TMOD1: variants seen among roughly 807,000 people sequenced by gnomAD.
TMOD1 encodes tropomodulin 1, also known as tropomodulin-1.
Under a neutral mutation model 40.6 loss-of-function variants are expected in TMOD1, and 17 were observed. That is an observed-to-expected ratio of 0.42 (90% CI 0.29 to 0.63). TMOD1 has a LOEUF of 0.63. TMOD1 is among the 20% of genes least tolerant of loss of function. TMOD1 has a pLI of 0.22. For synonymous variants in TMOD1, 181 were observed against 175.0 expected (o/e 1.03, Z -0.27); for missense variants, 391 against 447.6 (o/e 0.87, Z 1.14).
At chr9:97,580,242 G>A (rs189509984) in intron 8 of TMOD1, among the ~76,000 whole-genome samples, 1 of 152,092 alleles carries the variant, frequency 6.6e-6, no homozygotes, top group Non-Finnish European at 1.5e-5. Flanking sequence ...TTCTATTTCT[G>A]GTTTTTAAAT....
chr9:97,568,957 A>C lies in TMOD1; in HGVS notation c.790A>C (p.Ile264Leu). 1.2e-6 allele frequency: 2 copies of C among 1,614,160 alleles called. No homozygotes were observed. The highest frequency in any genetic ancestry group is 1.7e-6 in the Non-Finnish European group (2 of 1,180,042). The change falls in exon 8 of 10, where the codon ATT becomes CTT. Residue 264 changes from isoleucine (I) to leucine (L), a missense_variant. Transcript: ENST00000259365. Reference sequence around the variant, plus strand: ...GACACTGAATGTGGAATCCAACTTCATTTCTGGAGCTGGGATTCTGCGCCT... The same window carrying C: ...GACACTGAATGTGGAATCCAACTTCCTTTCTGGAGCTGGGATTCTGCGCCT... ...LKTLNVESNFISGAGILRLVE... is the reference protein window; with the variant it reads ...LKTLNVESNFLSGAGILRLVE...
At chr9:97,559,794 A>AAAATATATATATATAT (rs1390791825) in intron 4 of TMOD1, among the ~76,000 whole-genome samples, 1 of 23,180 alleles carries the variant, frequency 4.3e-5, no homozygotes, top group Non-Finnish European at 7.7e-5. Context: ...AAAAAAAAAA[A>AAAATATATATATATAT]ATATATATAT....
At chr9:97,572,635 G>T (rs926463507) in intron 8 of TMOD1, among the ~76,000 whole-genome samples, 1 of 152,170 alleles carries the variant, frequency 6.6e-6, no homozygotes, top group Non-Finnish European at 1.5e-5. Context: ...GAGGTGGCGA[G>T]TGGCATTTGA....
At chr9:97,544,125 C>A (rs1358320892) in intron 2 of TMOD1, among the ~76,000 whole-genome samples, 1 of 152,182 alleles carries the variant, frequency 6.6e-6, no homozygotes, top group Non-Finnish European at 1.5e-5. Context: ...GCTGGGTGGG[C>A]CCTGCTCACT....
Position 97,501,762 on chromosome 9 carries a change from C to A in TMOD1, c.-90C>A. 1 of 152,796 alleles carries A rather than the reference C, an allele frequency of 6.5e-6. No homozygotes were observed. The highest frequency in any genetic ancestry group is 1.8e-4 in the South Asian group (1 of 5,614). The allele number at this position is 152,796 out of a possible 1,614,324, so 9.5% of individuals were successfully genotyped here. A position where few individuals can be genotyped will look rare whatever the true frequency, so the allele number is the denominator to read the frequency against. ...CATCTGCCCGCCGCCCGCGCCTGTTCCGCAGCCCGCGTCCGCGCCGGCCCC... is the reference window on the plus strand; with the variant it reads ...CATCTGCCCGCCGCCCGCGCCTGTTACGCAGCCCGCGTCCGCGCCGGCCCC... On this transcript the variant is annotated 5_prime_UTR_variant, in exon 1 of 10. Transcript: ENST00000259365.
chr9:97,515,013 T>C (rs1037910656), intron 1 of TMOD1, among the ~76,000 whole-genome samples: 1 of 152,110 alleles, frequency 6.6e-6, no homozygotes, highest in South Asian at 2.1e-4. Flanking sequence ...CGGACACCTA[T>C]GTGGATCACG....
intron 2 of TMOD1, among the ~76,000 whole-genome samples, chr9:97,525,714 C>G (rs935563328): frequency 6.6e-6 from 1 of 152,202 alleles, no homozygotes; most frequent in African/African-American, 2.4e-5. Flanking sequence ...CAATAGCTAT[C>G]CAATTTCTCC....
intron 1 of TMOD1, among the ~76,000 whole-genome samples, chr9:97,503,139 A>AT (rs1829532666): frequency 6.6e-6 from 1 of 152,012 alleles, no homozygotes; most frequent in African/African-American, 2.4e-5. Context: ...GGTGACTGCC[A>AT]TTTTGTCCTC....
chr9:97,503,356 C>T (rs1829536256), intron 1 of TMOD1, among the ~76,000 whole-genome samples: 1 of 152,208 alleles, frequency 6.6e-6, no homozygotes, highest in Non-Finnish European at 1.5e-5. Flanking sequence ...ATAGCGCCCT[C>T]ATCCTGAAGT....
intron 1 of TMOD1, among the ~76,000 whole-genome samples, chr9:97,504,472 G>A (rs778415581): frequency 5.9e-5 from 9 of 152,188 alleles, no homozygotes; most frequent in Non-Finnish European, 1.3e-4. Flanking sequence ...ATGGCAAGTA[G>A]TGAGAAGAAC....
At chr9:97,599,325 G>A (rs776546511) in intron 9 of TMOD1, among the ~76,000 whole-genome samples, 9 of 152,244 alleles carry the variant, frequency 5.9e-5, no homozygotes, top group South Asian at 2.1e-4. Context: ...TCTGAACACC[G>A]GAGTAAAGAT....
At chr9:97,509,805 T>G (rs1208602648) in intron 1 of TMOD1, among the ~76,000 whole-genome samples, 5 of 152,228 alleles carry the variant, frequency 3.3e-5, no homozygotes, top group Non-Finnish European at 7.3e-5. Flanking sequence ...ATTCTCAGAC[T>G]TTTAAATCTC....
At chr9:97,559,794 A>AAAAAAAAAATATAT (rs1390791825) in intron 4 of TMOD1, among the ~76,000 whole-genome samples, 1 of 23,178 alleles carries the variant, frequency 4.3e-5, no homozygotes, top group African/African-American at 1.5e-4. Context: ...AAAAAAAAAA[A>AAAAAAAAAATATAT]ATATATATAT....
intron 1 of TMOD1, among the ~76,000 whole-genome samples, chr9:97,518,625 C>G (rs1829865099): frequency 6.6e-6 from 1 of 152,262 alleles, no homozygotes; most frequent in Non-Finnish European, 1.5e-5. Flanking sequence ...CCAGGCACCC[C>G]TCTGCCCAGT....
chr9:97,562,520 A>C (rs111729768), intron 4 of TMOD1, among the ~76,000 whole-genome samples: 1 of 152,234 alleles, frequency 6.6e-6, no homozygotes, highest in South Asian at 2.1e-4. Context: ...AGGGAATCAG[A>C]GGCCAGGGGC....
At chr9:97,571,752 C>CTATG (rs1187257325) in intron 8 of TMOD1, among the ~76,000 whole-genome samples, 1 of 152,228 alleles carries the variant, frequency 6.6e-6, no homozygotes, top group Non-Finnish European at 1.5e-5. Context: ...ATGTATAATG[C>CTATG]TATGCCTGTC....
At chr9:97,551,732 G>A (rs1830457605) in intron 3 of TMOD1, among the ~76,000 whole-genome samples, 1 of 152,128 alleles carries the variant, frequency 6.6e-6, no homozygotes, top group Non-Finnish European at 1.5e-5. Flanking sequence ...AAGGACTGTT[G>A]GAACTTTGAT....
chr9:97,541,527 T>TA (rs915563722), intron 2 of TMOD1, among the ~76,000 whole-genome samples: 29 of 151,816 alleles, frequency 1.9e-4, no homozygotes, highest in African/African-American at 7.0e-4. Flanking sequence ...ATTTTTTATT[T>TA]TTTTTTTTGA....
At chr9:97,588,073 G>GT (rs1252955978) in intron 8 of TMOD1, among the ~76,000 whole-genome samples, 1 of 152,196 alleles carries the variant, frequency 6.6e-6, no homozygotes, top group Non-Finnish European at 1.5e-5. Context: ...TCATGAACAA[G>GT]TTTTTTGTGT....
Sources: gnomAD v4.1 joint callset for allele counts (sites outside exome capture counted in the v4.1 genomes callset) on GRCh38, gnomAD v4.1.1 for gene constraint, MANE v1.5 for transcripts, NCBI Gene and HGNC (gene_info 2026-07-23, HGNC 2026-07-21) for gene names.